Variants in NPAS3 observed in about 807,000 individuals in gnomAD.
The protein encoded by NPAS3 is neuronal PAS domain protein 3.
In NPAS3, 14 loss-of-function variants were observed where a neutral mutation model predicts 73.1. The observed-to-expected ratio is 0.19, with a 90% CI of 0.13 to 0.30. NPAS3 has a LOEUF of 0.30. NPAS3 is among the 10% of genes least tolerant of loss of function. The probability of loss-of-function intolerance (pLI) is 1.00; values close to 1 mark genes in which losing one functional copy is unlikely to be tolerated. For missense variants in NPAS3, 1,096 were observed against 1,250.0 expected (o/e 0.88, Z 1.86); for synonymous variants, 620 against 541.5 (o/e 1.14, Z -2.01).
chr14:33,057,437 G>T (rs2040931095), intron 2 of NPAS3, among the ~76,000 whole-genome samples: 3 of 151,816 alleles, frequency 2.0e-5, no homozygotes, highest in Admixed American at 2.0e-4. Flanking sequence ...ATAAGAAGAG[G>T]GTCCTTTAAG....
chr14:33,255,332 T>G (rs534013488), intron 3 of NPAS3, among the ~76,000 whole-genome samples: 1 of 152,276 alleles, frequency 6.6e-6, no homozygotes, highest in East Asian at 1.9e-4. Flanking sequence ...CATGTCAGCA[T>G]CTGTAAAACT....
intron 2 of NPAS3, among the ~76,000 whole-genome samples, chr14:33,111,843 G>C (rs1237260644): frequency 8.7e-5 from 9 of 103,412 alleles, no homozygotes; most frequent in African/African-American, 3.3e-4. Context: ...AACAGGCCCC[G>C]GTGTGTGATG....
At chr14:33,059,878 A>G (rs1384337031) in intron 2 of NPAS3, among the ~76,000 whole-genome samples, 1 of 152,198 alleles carries the variant, frequency 6.6e-6, no homozygotes, top group Non-Finnish European at 1.5e-5. Context: ...AGCTCACTGC[A>G]GCCTCGAACT....
At chr14:33,542,867 T>A (rs1370341185) in intron 4 of NPAS3, among the ~76,000 whole-genome samples, 2 of 152,168 alleles carry the variant, frequency 1.3e-5, no homozygotes, top group African/African-American at 2.4e-5. Context: ...TTGCCAAGCA[T>A]GAGGCAGCCA....
chr14:33,657,361 A>G (rs1194073365), intron 5 of NPAS3, among the ~76,000 whole-genome samples: 2 of 152,236 alleles, frequency 1.3e-5, no homozygotes, highest in African/African-American at 4.8e-5. Flanking sequence ...TATTGAGCAC[A>G]GTGCTAGGTG....
intron 2 of NPAS3, chr14:33,213,682 T>C (rs1242359129): frequency 3.9e-5 from 6 of 152,210 alleles, no homozygotes; most frequent in African/African-American, 1.4e-4. Flanking sequence ...GGCAAAGATT[T>C]TGTCACCTGA....
intron 1 of NPAS3, among the ~76,000 whole-genome samples, chr14:32,959,256 T>G (rs897947201): frequency 1.3e-5 from 2 of 152,206 alleles, no homozygotes; most frequent in African/African-American, 2.4e-5. Flanking sequence ...TTGCTTTGCT[T>G]CTTTTGCCCC....
intron 3 of NPAS3, among the ~76,000 whole-genome samples, chr14:33,299,724 A>T (rs2042450653): frequency 1.3e-5 from 2 of 152,200 alleles, no homozygotes; most frequent in South Asian, 4.1e-4. Context: ...AAGGGGGAAA[A>T]AAAGCAATGA....
chr14:33,419,321 T>TCAAC, intron 4 of NPAS3, among the ~76,000 whole-genome samples: 1 of 151,766 alleles, frequency 6.6e-6, no homozygotes, highest in East Asian at 1.9e-4. Context: ...TTGCAATATA[T>TCAAC]TAGTATAACA....
chr14:32,980,058 A>T (rs998411753), intron 1 of NPAS3, among the ~76,000 whole-genome samples: 4 of 152,236 alleles, frequency 2.6e-5, no homozygotes, highest in Non-Finnish European at 4.4e-5. Context: ...GAGAATCATG[A>T]TTTTGAACAT....
intron 7 of NPAS3, among the ~76,000 whole-genome samples, chr14:33,771,131 C>T (rs1026490883): frequency 3.9e-5 from 6 of 151,914 alleles, no homozygotes; most frequent in Admixed American, 6.6e-5. Context: ...AAAAATTCAG[C>T]GATCTACATG....
chr14:33,067,474 C>T (rs572153197), intron 2 of NPAS3, among the ~76,000 whole-genome samples: 1 of 152,296 alleles, frequency 6.6e-6, no homozygotes, highest in Non-Finnish European at 1.5e-5. Context: ...TAATCTTAAG[C>T]CCTCTTTCCA....
intron 2 of NPAS3, among the ~76,000 whole-genome samples, chr14:33,177,370 C>G (rs2045632742): frequency 6.6e-6 from 1 of 151,674 alleles, no homozygotes; most frequent in African/African-American, 2.4e-5. Flanking sequence ...AGCTGGGTAT[C>G]TTTTTATTAT....
chr14:33,207,039 C>T (rs868519430), intron 2 of NPAS3, among the ~76,000 whole-genome samples: 14 of 152,276 alleles, frequency 9.2e-5, no homozygotes, highest in African/African-American at 2.9e-4. Flanking sequence ...GGGCAAAGAC[C>T]CGTGATCCTG....
intron 3 of NPAS3, among the ~76,000 whole-genome samples, chr14:33,272,461 G>T (rs2041136224): frequency 6.6e-6 from 1 of 152,132 alleles, no homozygotes; most frequent in South Asian, 2.1e-4. Context: ...CTGTCACTTA[G>T]GCTGGAGTGT....
intron 2 of NPAS3, among the ~76,000 whole-genome samples, chr14:33,183,540 G>A (rs1215652007): frequency 7.0e-6 from 1 of 142,024 alleles, no homozygotes; most frequent in African/African-American, 2.6e-5. Context: ...GGGCTTAAAT[G>A]CTGTCCTGTG....
intron 1 of NPAS3, among the ~76,000 whole-genome samples, chr14:33,046,042 CAAG>C (rs911717885): frequency 1.3e-5 from 2 of 151,920 alleles, no homozygotes; most frequent in African/African-American, 4.8e-5. Context: ...AACAAAACAA[CAAG>C]AAGATTTATT....
At chr14:33,476,035 C>T (rs1436136707) in intron 4 of NPAS3, among the ~76,000 whole-genome samples, 2 of 152,166 alleles carry the variant, frequency 1.3e-5, no homozygotes, top group Non-Finnish European at 2.9e-5. Flanking sequence ...AAGAATAAGA[C>T]GTGCCTTACA....
rs191552505 is a variant in NPAS3, at chr14:33,501,139, A to T, written c.469-58982A>T. ...AAATAAATCCTTACAGAAATGATAT[A>T]AATTAGAGTGTGTGTGCTAAACATA... is the stretch of plus-strand genomic sequence containing the variant. On this transcript the variant is annotated intron_variant, in intron 4 of 11. Transcript: ENST00000356141. Among the ~76,000 whole-genome samples, 874 of 152,074 alleles carry T rather than the reference A, an allele frequency of 5.7e-3. 3 individuals are homozygous for T. Among genetic ancestry groups the T allele is most frequent in the Non-Finnish European group, 8.3e-3 (565 of 67,918 alleles).
Sources: gnomAD v4.1 joint callset for allele counts (sites outside exome capture counted in the v4.1 genomes callset) on GRCh38, gnomAD v4.1.1 for gene constraint, MANE v1.5 for transcripts, NCBI Gene and HGNC (gene_info 2026-07-23, HGNC 2026-07-21) for gene names.